FKBP3: variants seen among roughly 807,000 people sequenced by gnomAD.
FKBP3 encodes peptidyl-prolyl cis-trans isomerase FKBP3.
In FKBP3, 21 loss-of-function variants were observed where a neutral mutation model predicts 30.6. The ratio of observed to expected loss-of-function variants is 0.69; its 90% CI spans 0.49 to 0.99. The LOEUF is 0.99. Among genes scored for constraint, FKBP3 ranks in the 50% least tolerant of loss-of-function variants. FKBP3 has a pLI of 0.00. For synonymous variants in FKBP3, 82 were observed against 91.3 expected (o/e 0.90, Z 0.58); for missense variants, 283 against 261.6 (o/e 1.08, Z -0.56).
intron 3 of FKBP3, among the ~76,000 whole-genome samples, chr14:45,126,514 G>A (rs939686899): frequency 6.6e-6 from 1 of 151,732 alleles, no homozygotes; most frequent in African/African-American, 2.4e-5. Flanking sequence ...AAAAGAATAC[G>A]TCTATAGAAA....
At chr14:45,117,613 T>C (rs751090699) in intron 6 of FKBP3, among the ~76,000 whole-genome samples, 5 of 152,224 alleles carry the variant, frequency 3.3e-5, no homozygotes, top group Non-Finnish European at 7.3e-5. Context: ...CCCACATCTA[T>C]TCCATTTCTA....
rs1003523827 is a variant in FKBP3 at position 45,117,924 on chromosome 14, T to C, written c.620+104A>G. Reference sequence around the variant, plus strand: ...ATCAGGAAGACTAGTCTGGACAGGATTCTTGATCCAGAAGTTTGCCTAGAC... The same window carrying C: ...ATCAGGAAGACTAGTCTGGACAGGACTCTTGATCCAGAAGTTTGCCTAGAC... On this transcript the variant is annotated intron_variant, in intron 6 of 6. Coordinates refer to ENST00000396062, the MANE Select transcript of FKBP3 (RefSeq NM_002013.4). 3.8e-6 allele frequency: 3 copies of C among 788,352 alleles called. No homozygotes were observed. In the African/African-American group the frequency reaches 5.3e-5, roughly 14 times the overall value. The allele number at this position is 788,352 out of a possible 1,614,324, so 48.8% of individuals were successfully genotyped here. A position where few individuals can be genotyped will look rare whatever the true frequency, so the allele number is the denominator to read the frequency against.
At chr14:45,118,408 T>C (rs900257894) in intron 5 of FKBP3, among the ~76,000 whole-genome samples, 2 of 152,058 alleles carry the variant, frequency 1.3e-5, no homozygotes, top group Non-Finnish European at 2.9e-5. Context: ...GGTGGGCAGA[T>C]CACTTAAGGT....
At chr14:45,130,543 C>G (rs934706729) in intron 2 of FKBP3, among the ~76,000 whole-genome samples, 156 bp downstream of exon 2, 12 of 152,200 alleles carry the variant, frequency 7.9e-5, no homozygotes, top group African/African-American at 2.9e-4. Flanking sequence ...ATTAGCCTTG[C>G]TAGATTTGAC....
At chr14:45,118,808 G>T (rs1276838817) in intron 5 of FKBP3, among the ~76,000 whole-genome samples, 1 of 152,118 alleles carries the variant, frequency 6.6e-6, no homozygotes, top group Non-Finnish European at 1.5e-5. Flanking sequence ...ATTGTTTTAA[G>T]ATTACCAGAT....
At chr14:45,133,368 G>T in intron 1 of FKBP3, 1 of 272,754 alleles carries the variant, frequency 3.7e-6, no homozygotes, top group Non-Finnish European at 7.9e-6. Flanking sequence ...TCGAGAGGCA[G>T]AGGCAGGAGA....
rs1365179490 is a variant in FKBP3 at position 45,119,058 on chromosome 14, T to C, written c.523-933A>G. On this transcript the variant is annotated intron_variant, in intron 5 of 6. Coordinates refer to ENST00000396062, the MANE Select transcript of FKBP3 (RefSeq NM_002013.4). ...AAAATGTTACGGCACTAAGATCTTT[T>C]GCAAAAGGTAAAACTAACTTTTCAA... Among the ~76,000 whole-genome samples the C allele has an allele frequency of 2.0e-5, 3 of 152,268 alleles. No homozygotes were observed. The East Asian group carries it at 5.8e-4, about 29-fold the overall frequency.
At chr14:45,126,085 T>G (rs1885090013) in intron 3 of FKBP3, among the ~76,000 whole-genome samples, 1 of 151,640 alleles carries the variant, frequency 6.6e-6, no homozygotes, top group Non-Finnish European at 1.5e-5. Context: ...AGAGACAGGT[T>G]TCGCCATGTT....
intron 1 of FKBP3, chr14:45,133,352 A>G: frequency 3.4e-6 from 1 of 292,748 alleles, no homozygotes; most frequent in Non-Finnish European, 7.2e-6. Context: ...CTGTAGTCCT[A>G]GCTACTCGAG....
At chr14:45,130,050 A>G in intron 2 of FKBP3, 149 bp from the exon 3 acceptor site, 1 of 459,310 alleles carries the variant, frequency 2.2e-6, no homozygotes, top group Non-Finnish European at 3.8e-6. Context: ...AAGGAAACGA[A>G]GAGCAAAGAA....
intron 1 of FKBP3, among the ~76,000 whole-genome samples, chr14:45,131,552 C>T (rs1885214228): frequency 6.9e-6 from 1 of 145,564 alleles, no homozygotes. Flanking sequence ...TGGCGTGAAC[C>T]TGGGAGGTGG....
In FKBP3 at chr14:45,121,632, A is replaced by C. The variant is rs369870935; in HGVS notation, c.319-12T>G. 7.4e-6 allele frequency: 12 copies of C among 1,611,870 alleles called. No individual in the cohort carries two copies. Among genetic ancestry groups the C allele is most frequent in the East Asian group, 4.5e-5 (2 of 44,812 alleles). On this transcript the variant is annotated splice_polypyrimidine_tract_variant and intron_variant, in intron 3 of 6. Coordinates refer to ENST00000396062, the MANE Select transcript of FKBP3 (RefSeq NM_002013.4). The stretch of plus-strand genomic sequence containing the variant: ...TATTTTGGTGGACCCTAAAAACAAA[A>C]AACAACACACACACACAGAGTTATT...
chr14:45,132,620 T>G (rs1238763955), intron 1 of FKBP3, among the ~76,000 whole-genome samples: 1 of 151,994 alleles, frequency 6.6e-6, no homozygotes, highest in Non-Finnish European at 1.5e-5. Context: ...AGGCTGGTCC[T>G]CAATGCCTGG....
chr14:45,133,473 A>G (rs1265621435), intron 1 of FKBP3: 2 of 159,328 alleles, frequency 1.3e-5, no homozygotes, highest in Non-Finnish European at 2.8e-5. Context: ...TCTCAAACAA[A>G]CAAACAAAAA....
rs1372836862 is a variant in FKBP3 at position 45,115,852 on chromosome 14, T to A, written c.*346A>T. On this transcript the variant is annotated 3_prime_UTR_variant, in exon 7 of 7. Coordinates refer to ENST00000396062, the MANE Select transcript of FKBP3 (RefSeq NM_002013.4). ...GGTTTGATGAGGTCCTTAGTTCCAA[T>A]TCCCTAATCAGAACAATAATATATT... 8 of 177,036 alleles carry A rather than the reference T, an allele frequency of 4.5e-5. No homozygotes were observed. The highest frequency in any genetic ancestry group is 9.6e-5 in the Non-Finnish European group (8 of 83,162). The allele number at this position is 177,036 out of a possible 1,614,324, so 11.0% of individuals were successfully genotyped here. A position where few individuals can be genotyped will look rare whatever the true frequency, so the allele number is the denominator to read the frequency against.
chr14:45,127,115 C>CTTTTTT, intron 3 of FKBP3, among the ~76,000 whole-genome samples: 1 of 120,672 alleles, frequency 8.3e-6, no homozygotes, highest in African/African-American at 3.7e-5. Context: ...CTGACCCTGT[C>CTTTTTT]TTTTTTTTTT....
At chr14:45,120,724 G>A (rs1055795768) in intron 5 of FKBP3, among the ~76,000 whole-genome samples, 163 bp downstream of exon 5, 4 of 152,122 alleles carry the variant, frequency 2.6e-5, no homozygotes, top group Non-Finnish European at 4.4e-5. Flanking sequence ...AACTGAGACC[G>A]AGATAACTTG....
At chr14:45,121,056 T>G (rs190934858) in intron 4 of FKBP3, 102 bp from the exon 5 acceptor site, 1 of 958,220 alleles carries the variant, frequency 1.0e-6, no homozygotes, top group East Asian at 2.6e-5. Flanking sequence ...TATAGTGGTT[T>G]GATTTCAGAA....
intron 3 of FKBP3, among the ~76,000 whole-genome samples, chr14:45,127,912 G>C (rs1282506924): frequency 1.3e-5 from 2 of 152,150 alleles, no homozygotes; most frequent in Non-Finnish European, 2.9e-5. Flanking sequence ...AGATGTTTGA[G>C]AGCATTAGTC....
Sources: allele counts gnomAD v4.1 joint callset (sites outside exome capture counted in the v4.1 genomes callset), GRCh38; gene constraint gnomAD v4.1.1; transcripts MANE v1.5; gene names NCBI Gene and HGNC (gene_info 2026-07-23, HGNC 2026-07-21).